GDAP1: variants seen among roughly 807,000 people sequenced by gnomAD.
GDAP1 encodes the protein ganglioside induced differentiation associated protein 1, also known as ganglioside-induced differentiation-associated protein 1.
Under a neutral mutation model 40.1 loss-of-function variants are expected in GDAP1, and 34 were observed. That is an observed-to-expected ratio of 0.85 (90% CI 0.64 to 1.13). The LOEUF (loss-of-function observed/expected upper bound fraction) is 1.13, where lower values mean the gene tolerates loss of function less well. Among genes scored for constraint, GDAP1 ranks in the 50% most tolerant of loss-of-function variants. The pLI is 0.00. For synonymous variants in GDAP1, 170 were observed against 157.4 expected (o/e 1.08, Z -0.60); for missense variants, 374 against 433.7 (o/e 0.86, Z 1.22).
intron 2 of GDAP1, among the ~76,000 whole-genome samples, chr8:74,377,432 C>T (rs1311230895): frequency 1.3e-5 from 2 of 152,106 alleles, no homozygotes; most frequent in Admixed American, 6.5e-5. Context: ...AGTAAGAATA[C>T]ACAAAAATGC....
chr8:74,360,262 T>G lies in GDAP1; in HGVS notation c.436T>G (p.Leu146Val). 6.2e-7 allele frequency: 1 copy of G among 1,613,988 alleles called. No homozygotes were observed. The change falls in exon 3 of 6, where the codon TTA (leucine) becomes GTA (valine). Residue 146 changes from leucine (L) to valine (V), a missense_variant. Coordinates refer to ENST00000220822, the MANE Select transcript of GDAP1 (RefSeq NM_018972.4). ...ACATGGCTGCATTTTACATCCTGAG[T>G]TAACTGTGGACTCCATGATCCCGGC... The part of the protein sequence containing the change: ...YTHGCILHPE[L>V]TVDSMIPAYA...
Position 74,361,698 on chromosome 8 carries a change from A to G in GDAP1, c.485-186A>G, listed in dbSNP as rs55894757. On this transcript the variant is annotated intron_variant, in intron 3 of 5. Transcript: ENST00000220822. ...GTGTGAGCCACCGCGCCCAGCCGGC[A>G]GATACTCTTATGGTTCCATTTGAAA... 0.23 allele frequency among the ~76,000 whole-genome samples: 34,954 copies of G among 152,132 alleles called. 4,359 individuals carry two copies. Among genetic ancestry groups the G allele is most frequent in the Admixed American group, 0.33 (5,082 of 15,288 alleles).
chr8:74,397,067 A>G lies in GDAP1; in HGVS notation c.165+45746A>G, dbSNP rs184175383. 5.5e-3 allele frequency among the ~76,000 whole-genome samples: 843 copies of G among 152,222 alleles called. 3 individuals are homozygous for G. Among genetic ancestry groups the G allele is most frequent in the Middle Eastern group, 0.014 (4 of 294 alleles). On this transcript the variant is annotated intron_variant, in intron 2 of 2. Transcript: ENST00000523640. ...GCCATTCTAACTGGTGTGAGATGGTATCTCATTGTGGTTTTGATTTGCATT... is the reference window on the plus strand; with the variant it reads ...GCCATTCTAACTGGTGTGAGATGGTGTCTCATTGTGGTTTTGATTTGCATT...
chr8:74,375,530 A>G (rs1809838880), intron 2 of GDAP1, among the ~76,000 whole-genome samples: 2 of 152,196 alleles, frequency 1.3e-5, no homozygotes, highest in Non-Finnish European at 2.9e-5. Context: ...TAAAGATGAA[A>G]CATCATATAA....
At chr8:74,382,735 C>G (rs1353852991) in intron 2 of GDAP1, among the ~76,000 whole-genome samples, 1 of 151,982 alleles carries the variant, frequency 6.6e-6, no homozygotes, top group African/African-American at 2.4e-5. Context: ...CATCTATAAT[C>G]TGGATGAGAT....
intron 2 of GDAP1, among the ~76,000 whole-genome samples, chr8:74,482,555 G>A (rs1386106146): frequency 6.6e-6 from 1 of 152,136 alleles, no homozygotes; most frequent in Admixed American, 6.5e-5. Context: ...AACAAAAAAT[G>A]TTTAGATGAT....
chr8:74,478,011 G>A (rs1285671057), intron 2 of GDAP1, among the ~76,000 whole-genome samples: 2 of 151,998 alleles, frequency 1.3e-5, no homozygotes, highest in South Asian at 2.1e-4. Flanking sequence ...GCGCACATTC[G>A]AGTCAGTGGC....
chr8:74,390,689 C>T (rs1475420758), intron 2 of GDAP1, among the ~76,000 whole-genome samples: 2 of 152,236 alleles, frequency 1.3e-5, no homozygotes, highest in African/African-American at 4.8e-5. Flanking sequence ...GGCAGTCTGT[C>T]TCTTAGTAGA....
chr8:74,400,540 T>C (rs1392641844), intron 2 of GDAP1, among the ~76,000 whole-genome samples: 1 of 150,142 alleles, frequency 6.7e-6, no homozygotes, highest in Non-Finnish European at 1.5e-5. Context: ...TTGGAGCATT[T>C]AGTCCATTTA....
intron 2 of GDAP1, among the ~76,000 whole-genome samples, chr8:74,416,247 C>T (rs1306600784): frequency 2.0e-5 from 3 of 149,988 alleles, no homozygotes; most frequent in Non-Finnish European, 4.4e-5. Context: ...CCTCCACCTG[C>T]CCTGGTAGCT....
At chr8:74,448,481 T>G (rs1319549017) in intron 2 of GDAP1, among the ~76,000 whole-genome samples, 1 of 152,172 alleles carries the variant, frequency 6.6e-6, no homozygotes, top group Non-Finnish European at 1.5e-5. Context: ...TTCATTTCTC[T>G]TTGATATTTA....
At chr8:74,479,156 C>A (rs1045296023) in intron 2 of GDAP1, among the ~76,000 whole-genome samples, 10 of 152,240 alleles carry the variant, frequency 6.6e-5, no homozygotes, top group African/African-American at 2.4e-4. Context: ...ACTTTACAGA[C>A]CTTATAATAG....
At chr8:74,447,649 C>A (rs1245817405) in intron 2 of GDAP1, among the ~76,000 whole-genome samples, 1 of 152,042 alleles carries the variant, frequency 6.6e-6, no homozygotes, top group Non-Finnish European at 1.5e-5. Flanking sequence ...CCAAGCACAC[C>A]CACAAAGGGT....
chr8:74,443,581 G>C (rs979276480), intron 2 of GDAP1, among the ~76,000 whole-genome samples: 9 of 152,122 alleles, frequency 5.9e-5, no homozygotes, highest in Non-Finnish European at 8.8e-5. Context: ...TTGGAGGATT[G>C]CTTGAGCTCT....
chr8:74,438,736 G>C lies in GDAP1; in HGVS notation c.166-49942G>C, dbSNP rs537639422. On this transcript the variant is annotated intron_variant, in intron 2 of 2. Coordinates refer to the GDAP1 transcript ENST00000523640. Reference sequence around the variant, plus strand: ...CCACCTCAGCCTCCCAAGTGGCTGAGACTACAGGTGCATACCATCACACCT... The same window carrying C: ...CCACCTCAGCCTCCCAAGTGGCTGACACTACAGGTGCATACCATCACACCT... Among the ~76,000 whole-genome samples the C allele has an allele frequency of 2.8e-4, 43 of 152,244 alleles. No homozygotes were observed. The East Asian group carries it at 5.0e-3, about 18-fold the overall frequency.
At chr8:74,477,734 G>A (rs985919384) in intron 2 of GDAP1, among the ~76,000 whole-genome samples, 1 of 152,170 alleles carries the variant, frequency 6.6e-6, no homozygotes, top group Non-Finnish European at 1.5e-5. Flanking sequence ...GCACTTCAAA[G>A]GGCAGTGGCA....
In GDAP1 at chr8:74,383,341, G is replaced by A. The variant is rs114546438; in HGVS notation, c.165+32020G>A. ...GTTCAGGTTTATTTAAAAACCAGAT[G>A]GTATTGGCTTTAAATTGACCTGGAC... On this transcript the variant is annotated intron_variant, in intron 2 of 2. Coordinates refer to the GDAP1 transcript ENST00000523640. Among the ~76,000 whole-genome samples the A allele has an allele frequency of 9.4e-3, 1,430 of 152,250 alleles. 18 individuals are homozygous for A. Among genetic ancestry groups the A allele is most frequent in the African/African-American group, 0.032 (1,333 of 41,552 alleles).
intron 2 of GDAP1, among the ~76,000 whole-genome samples, chr8:74,461,985 T>C (rs1320987446): frequency 6.6e-6 from 1 of 152,238 alleles, no homozygotes; most frequent in Non-Finnish European, 1.5e-5. Flanking sequence ...AAAAAGTATA[T>C]GAAATCATAG....
downstream of GDAP1, among the ~76,000 whole-genome samples, chr8:74,367,318 AATTACCTTC>A (rs1481013543): frequency 4.6e-5 from 7 of 152,178 alleles, no homozygotes; most frequent in South Asian, 1.4e-3. Context: ...TTCATATTGA[AATTACCTTC>A]TACATTTCTA....
Sources: allele counts gnomAD v4.1 joint callset (sites outside exome capture counted in the v4.1 genomes callset), GRCh38; gene constraint gnomAD v4.1.1; transcripts MANE v1.5; gene names NCBI Gene and HGNC (gene_info 2026-07-23, HGNC 2026-07-21).